CAT: variants seen among roughly 807,000 people sequenced by gnomAD.
The protein encoded by CAT is epididymis secretory sperm binding protein.
CAT carries 43 observed loss-of-function variants against 59.0 expected under a neutral mutation model. That is an observed-to-expected ratio of 0.73 (90% confidence interval 0.57 to 0.94). The LOEUF (loss-of-function observed/expected upper bound fraction) is 0.94, where lower values mean the gene tolerates loss of function less well. CAT is among the 40% of genes least tolerant of loss of function. CAT has a pLI of 0.00. For synonymous variants in CAT, 218 were observed against 230.9 expected, an observed-to-expected ratio of 0.94 and a Z score of 0.51; for missense variants, 664 against 682.9, an observed-to-expected ratio of 0.97 and a Z score of 0.31.
chr11:34,457,026 C>G (rs1242843663), intron 8 of CAT: 1 of 585,296 alleles, frequency 1.7e-6, no homozygotes, highest in Admixed American at 2.9e-5. Context: ...AAACAAAAGT[C>G]CATGGTAAGA....
Position 34,450,056 on chromosome 11 carries a change from C to T in CAT, c.238+693C>T, listed in dbSNP as rs557098750. ...GGGAAGCTGGAGTACCAGGAGAAAACCTATCTAGACATGGGGAGAACATGC... is the reference window on the plus strand; with the variant it reads ...GGGAAGCTGGAGTACCAGGAGAAAATCTATCTAGACATGGGGAGAACATGC... On this transcript the variant is annotated intron_variant, in intron 2 of 12. Transcript: ENST00000241052. 8.5e-4 allele frequency among the ~76,000 whole-genome samples: 130 copies of T among 152,264 alleles called. 1 individual carries two copies. Among genetic ancestry groups the T allele is most frequent in the African/African-American group, 3.1e-3 (128 of 41,552 alleles).
At chr11:34,442,720 G>A (rs1314055655) in intron 1 of CAT, among the ~76,000 whole-genome samples, 1 of 152,202 alleles carries the variant, frequency 6.6e-6, no homozygotes, top group Non-Finnish European at 1.5e-5. Flanking sequence ...CAGGCTGAAG[G>A]AAGCTCCCCC....
At chr11:34,453,234 A>T in intron 5 of CAT, 40 bp downstream of exon 5, 1 of 1,183,750 alleles carries the variant, frequency 8.4e-7, no homozygotes, top group Non-Finnish European at 1.3e-6. Context: ...ATCACCTGGG[A>T]TGCAGTGTTT....
chr11:34,454,805 C>A (rs1856570011), intron 6 of CAT, among the ~76,000 whole-genome samples: 1 of 152,162 alleles, frequency 6.6e-6, no homozygotes, highest in South Asian at 2.1e-4. Context: ...GACAGCCAGT[C>A]TAGTTGGTAG....
intron 5 of CAT, 42 bp from the exon 6 acceptor site, chr11:34,453,759 T>C: frequency 6.3e-7 from 1 of 1,591,936 alleles, no homozygotes; most frequent in Non-Finnish European, 8.6e-7. Context: ...GATGTTTTGA[T>C]TTAAATGAAA....
At chr11:34,461,499 T>G in intron 9 of CAT, 110 bp downstream of exon 9, 1 of 1,298,188 alleles carries the variant, frequency 7.7e-7, no homozygotes, top group Non-Finnish European at 1.1e-6. Context: ...ACCTCCTGCT[T>G]GGTAAAGGTG....
chr11:34,451,609 C>T (rs937485337), intron 3 of CAT, among the ~76,000 whole-genome samples: 3 of 152,164 alleles, frequency 2.0e-5, no homozygotes, highest in Non-Finnish European at 4.4e-5. Context: ...TCACTAGTTC[C>T]GTTTCTGTGT....
rs370314175 is a variant in CAT at position 34,456,703 on chromosome 11, T to C, written c.942T>C (p.Gly314=). The C allele has an allele frequency of 8.1e-6, 13 of 1,613,714 alleles. No individual in the cohort carries two copies. In the African/African-American group the frequency reaches 1.6e-4, roughly 20 times the overall value. Residue 314 remains glycine (G), a synonymous_variant, in exon 8 of 13, where the codon GGT becomes GGC. Coordinates refer to ENST00000241052, the MANE Select transcript of CAT (RefSeq NM_001752.4). ...PHKDYPLIPV[G]KLVLNRNPVN... ...AGGACTACCCTCTCATCCCAGTTGG[T>C]AAACTGGTCTTAAACCGGAATCCAG...
chr11:34,461,464 G>T (rs1856651051), intron 9 of CAT, 75 bp downstream of exon 9: 1 of 1,563,178 alleles, frequency 6.4e-7, no homozygotes, highest in Non-Finnish European at 8.8e-7. Flanking sequence ...GGCCAGGCCA[G>T]TGGCTCTCAA....
At chr11:34,459,668 A>G (rs1856627794) in intron 8 of CAT, among the ~76,000 whole-genome samples, 1 of 152,202 alleles carries the variant, frequency 6.6e-6, no homozygotes, top group African/African-American at 2.4e-5. Context: ...GTGTCAGGGT[A>G]TGGCCTCACT....
At chr11:34,457,293 A>C (rs1856602632) in intron 8 of CAT, among the ~76,000 whole-genome samples, 1 of 141,428 alleles carries the variant, frequency 7.1e-6, no homozygotes. Flanking sequence ...GCTCACTGCA[A>C]CCTCCGCCTC....
chr11:34,470,363 T>G (rs1856760755), intron 11 of CAT, among the ~76,000 whole-genome samples: 3 of 152,212 alleles, frequency 2.0e-5, no homozygotes, highest in African/African-American at 7.2e-5. Context: ...ATGTGTGCAC[T>G]AATCCAGACA....
intron 1 of CAT, among the ~76,000 whole-genome samples, chr11:34,441,319 G>T (rs1006821407): frequency 6.6e-6 from 1 of 152,076 alleles, no homozygotes; most frequent in Non-Finnish European, 1.5e-5. Context: ...GGAACATTTT[G>T]CCCTGTGTCT....
intron 6 of CAT, among the ~76,000 whole-genome samples, chr11:34,454,420 C>T (rs184422719): frequency 4.6e-4 from 70 of 152,266 alleles, no homozygotes; most frequent in Non-Finnish European, 7.3e-4. Flanking sequence ...AGCAATATTG[C>T]CAGTGAACCC....
chr11:34,456,621 T>C, intron 7 of CAT, 44 bp from the exon 8 acceptor site: 1 of 1,596,746 alleles, frequency 6.3e-7, no homozygotes. Flanking sequence ...TTTGATTTCC[T>C]TCAGTTGATT....
chr11:34,467,827 C>T (rs990511309), intron 10 of CAT, among the ~76,000 whole-genome samples: 2 of 152,056 alleles, frequency 1.3e-5, no homozygotes, highest in African/African-American at 4.8e-5. Context: ...TACAGATACA[C>T]ATGTATAAAT....
intron 11 of CAT, among the ~76,000 whole-genome samples, chr11:34,469,066 G>A (rs1856748656): frequency 6.6e-6 from 1 of 152,242 alleles, no homozygotes; most frequent in South Asian, 2.1e-4. Flanking sequence ...ATGCTAAGGT[G>A]CTGGGGTATT....
In CAT at chr11:34,456,051, C is replaced by T. The variant is rs755990702; in HGVS notation, c.752C>T (p.Ala251Val). ...GIKNLSVEDA[A>V]RLSQEDPDYG... ...AAAAACCTTTCTGTTGAAGATGCGG[C>T]GAGACTTTCCCAGGAAGATCCTGAC... is the stretch of plus-strand genomic sequence containing the variant. Residue 251 changes from alanine to valine, a missense_variant, in exon 7 of 13, where the codon GCG (alanine) becomes GTG (valine). Ala to Val is a moderately conservative substitution (Grantham distance 64). Coordinates refer to ENST00000241052, the MANE Select transcript of CAT (RefSeq NM_001752.4). 1.1e-5 allele frequency: 17 copies of T among 1,613,822 alleles called. No homozygotes were observed. Among genetic ancestry groups the T allele is most frequent in the South Asian group, 3.3e-5 (3 of 91,052 alleles).
At chr11:34,471,065 T>C in intron 12 of CAT, 24 bp downstream of exon 12, 1 of 1,598,856 alleles carries the variant, frequency 6.3e-7, no homozygotes. Flanking sequence ...AGCCTGGCCA[T>C]GCAGAGGCTG....
Sources: gnomAD v4.1 joint callset for allele counts (sites outside exome capture counted in the v4.1 genomes callset) on GRCh38, gnomAD v4.1.1 for gene constraint, MANE v1.5 for transcripts, NCBI Gene and HGNC (gene_info 2026-07-23, HGNC 2026-07-21) for gene names.